Variants in ROBO1 observed in about 807,000 individuals in gnomAD.
The protein encoded by ROBO1 is roundabout guidance receptor 1.
In ROBO1, 149 loss-of-function variants were observed where a neutral mutation model predicts 195.9. The ratio of observed to expected loss-of-function variants is 0.76; its 90% CI spans 0.67 to 0.87. The LOEUF is 0.87. ROBO1 is among the 40% of genes least tolerant of loss of function. The probability of loss-of-function intolerance (pLI) is 0.00; values close to 1 mark genes in which losing one functional copy is unlikely to be tolerated. For missense variants in ROBO1, 1,933 were observed against 2,068.3 expected (o/e 0.93, Z 1.27); for synonymous variants, 816 against 733.2 (o/e 1.11, Z -1.82).
intron 4 of ROBO1, among the ~76,000 whole-genome samples, chr3:78,911,570 T>C (rs1210957759): frequency 6.6e-6 from 1 of 152,066 alleles, no homozygotes; most frequent in Non-Finnish European, 1.5e-5. Flanking sequence ...ATGTCCGTTG[T>C]GCTGTTGGAA....
intron 1 of ROBO1, among the ~76,000 whole-genome samples, chr3:79,675,283 T>C (rs1413672812): frequency 6.6e-6 from 1 of 152,032 alleles, no homozygotes; most frequent in Admixed American, 6.6e-5. Context: ...TATATACTTA[T>C]GATTGCATTA....
rs566884997 is a variant in ROBO1 at position 79,340,388 on chromosome 3, A to T, written c.89-214849T>A. On this transcript the variant is annotated intron_variant, in intron 2 of 30. Coordinates refer to ENST00000464233, the MANE Select transcript of ROBO1 (RefSeq NM_002941.4). ...TCTTGGGTATTAGCCTTTTCAGGTAAACTTGGATCATGACTTGAATAAGGG... is the reference window on the plus strand; with the variant it reads ...TCTTGGGTATTAGCCTTTTCAGGTATACTTGGATCATGACTTGAATAAGGG... Among the ~76,000 whole-genome samples, 4 of 152,208 alleles carry T rather than the reference A, an allele frequency of 2.6e-5. No individual in the cohort carries two copies. In the South Asian group the frequency reaches 8.3e-4, roughly 32 times the overall value.
At chr3:79,144,005 G>A (rs372781646) in intron 2 of ROBO1, among the ~76,000 whole-genome samples, 2 of 151,350 alleles carry the variant, frequency 1.3e-5, no homozygotes, top group South Asian at 2.1e-4. Flanking sequence ...AAAGATTTTC[G>A]CAGTTTTTTG....
At chr3:78,801,623 T>C (rs79677952) in intron 4 of ROBO1, among the ~76,000 whole-genome samples, 4,686 of 152,242 alleles carry the variant, frequency 0.031, 117 homozygotes, top group African/African-American at 0.071. Context: ...AAGTAGCTAA[T>C]TGTAGATAAT....
chr3:78,693,413 T>C lies in ROBO1; in HGVS notation c.1046-4641A>G, dbSNP rs1341627610. On this transcript the variant is annotated intron_variant, in intron 8 of 30. Coordinates refer to ENST00000464233, the MANE Select transcript of ROBO1 (RefSeq NM_002941.4). ...TAAATAAAAATAAGGAAACATAAAA[T>C]GAAACAGAAAAGTAATAAGATTTGA... 2.4e-6 allele frequency: 3 copies of C among 1,266,322 alleles called. No homozygotes were observed. In the African/African-American group the frequency reaches 4.5e-5, roughly 19 times the overall value. 78.4% of individuals were successfully genotyped at this position (1,266,322 alleles called of 1,614,324 possible). A position where few individuals can be genotyped will look rare whatever the true frequency, so the allele number is the denominator to read the frequency against.
At chr3:79,740,958 A>G (rs1356782645) in intron 1 of ROBO1, among the ~76,000 whole-genome samples, 1 of 152,172 alleles carries the variant, frequency 6.6e-6, no homozygotes, top group Admixed American at 6.5e-5. Flanking sequence ...GTGAAATACT[A>G]TTTTCTCTAC....
chr3:79,193,673 T>A (rs2081582624), intron 2 of ROBO1, among the ~76,000 whole-genome samples: 3 of 150,586 alleles, frequency 2.0e-5, no homozygotes, highest in Admixed American at 6.7e-5. Context: ...TTTCTCTGAT[T>A]TTAGGATACA....
At chr3:79,220,935 C>A (rs1255594679) in intron 2 of ROBO1, among the ~76,000 whole-genome samples, 1 of 151,972 alleles carries the variant, frequency 6.6e-6, no homozygotes. Context: ...CATTCCTAGC[C>A]TCTATCTACT....
chr3:79,533,059 G>A (rs542421142), intron 2 of ROBO1: 65 of 433,492 alleles, frequency 1.5e-4, no homozygotes, highest in South Asian at 9.6e-4. Flanking sequence ...GGGTGGAGAC[G>A]AATTTTATTG....
intron 2 of ROBO1, among the ~76,000 whole-genome samples, chr3:79,135,259 C>T (rs142006186): frequency 2.4e-4 from 36 of 152,232 alleles, no homozygotes; most frequent in African/African-American, 8.4e-4. Flanking sequence ...AGTATCACCC[C>T]AGAGGGTATT....
At chr3:79,225,438 C>T (rs1267144149) in intron 2 of ROBO1, among the ~76,000 whole-genome samples, 1 of 152,168 alleles carries the variant, frequency 6.6e-6, no homozygotes, top group Non-Finnish European at 1.5e-5. Context: ...ATAATTCTCC[C>T]CACTTGCACA....
chr3:78,887,066 T>C (rs2036612750), intron 4 of ROBO1, among the ~76,000 whole-genome samples: 1 of 152,066 alleles, frequency 6.6e-6, no homozygotes, highest in Non-Finnish European at 1.5e-5. Context: ...ACTTAGCAAA[T>C]ATTTTGACCA....
At chr3:78,766,766 G>C (rs1553723697) in intron 4 of ROBO1, among the ~76,000 whole-genome samples, 1 of 152,124 alleles carries the variant, frequency 6.6e-6, no homozygotes, top group Non-Finnish European at 1.5e-5. Flanking sequence ...GTCATAGATG[G>C]CTTTTATTAC....
chr3:79,217,639 C>T (rs144572979), intron 2 of ROBO1, among the ~76,000 whole-genome samples: 2 of 151,786 alleles, frequency 1.3e-5, no homozygotes, highest in African/African-American at 4.8e-5. Context: ...TTTTCTTGAG[C>T]CATGGATCAC....
chr3:79,587,047 T>A (rs1437428750), intron 2 of ROBO1, among the ~76,000 whole-genome samples: 1 of 151,890 alleles, frequency 6.6e-6, no homozygotes, highest in Admixed American at 6.6e-5. Context: ...ATTCTTAGAA[T>A]CCATTTCTTA....
intron 4 of ROBO1, among the ~76,000 whole-genome samples, chr3:78,867,844 G>A (rs912218492): frequency 2.6e-5 from 4 of 152,030 alleles, no homozygotes; most frequent in African/African-American, 9.7e-5. Flanking sequence ...CTCAACAGAA[G>A]ACTTTTCTGC....
At chr3:79,306,438 A>T (rs2033220915) in intron 2 of ROBO1, among the ~76,000 whole-genome samples, 1 of 152,238 alleles carries the variant, frequency 6.6e-6, no homozygotes, top group Admixed American at 6.5e-5. Flanking sequence ...CAACTGAAAC[A>T]AAATTAAAAT....
At chr3:79,694,086 C>T (rs527642970) in intron 1 of ROBO1, among the ~76,000 whole-genome samples, 1 of 151,810 alleles carries the variant, frequency 6.6e-6, no homozygotes, top group Non-Finnish European at 1.5e-5. Context: ...GAAACAACTT[C>T]TATGTAATCA....
chr3:78,979,866 T>C (rs1352946646), intron 3 of ROBO1, among the ~76,000 whole-genome samples: 1 of 151,862 alleles, frequency 6.6e-6, no homozygotes, highest in Admixed American at 6.6e-5. Context: ...GCTCACACCC[T>C]TCCTAGTCAT....
Sources: gnomAD v4.1 joint callset for allele counts (sites outside exome capture counted in the v4.1 genomes callset) on GRCh38, gnomAD v4.1.1 for gene constraint, MANE v1.5 for transcripts, NCBI Gene and HGNC (gene_info 2026-07-23, HGNC 2026-07-21) for gene names.